NYAP2: variants seen among roughly 807,000 people sequenced by gnomAD.
The protein encoded by NYAP2 is neuronal tyrosine-phosphorylated phosphoinositide-3-kinase adapter 2.
NYAP2 carries 23 observed loss-of-function variants against 50.4 expected under a neutral mutation model. The observed-to-expected ratio is 0.46, with a 90% confidence interval of 0.33 to 0.65. NYAP2 has a LOEUF of 0.65. NYAP2 is among the 30% of genes least tolerant of loss of function. The pLI is 0.02. For synonymous variants in NYAP2, 394 were observed against 365.2 expected (o/e 1.08, Z -0.90); for missense variants, 885 against 861.0 (o/e 1.03, Z -0.35).
chr2:225,503,184 T>C (rs1690636366), intron 3 of NYAP2, among the ~76,000 whole-genome samples: 1 of 152,222 alleles, frequency 6.6e-6, no homozygotes, highest in Non-Finnish European at 1.5e-5. Context: ...AAAGCTTATG[T>C]CAGTTTTGAA....
intron 3 of NYAP2, among the ~76,000 whole-genome samples, chr2:225,456,200 C>T (rs1689736218): frequency 1.3e-5 from 2 of 152,218 alleles, no homozygotes; most frequent in South Asian, 4.1e-4. Context: ...TCTGAGACAA[C>T]CAGAAATGGC....
intron 4 of NYAP2, among the ~76,000 whole-genome samples, chr2:225,525,300 G>A (rs1023738750): frequency 6.6e-6 from 1 of 152,030 alleles, no homozygotes; most frequent in Non-Finnish European, 1.5e-5. Context: ...TAAATTTGTG[G>A]TAGTTCATTA....
chr2:225,571,836 G>A (rs537257396), intron 4 of NYAP2, among the ~76,000 whole-genome samples: 1 of 152,290 alleles, frequency 6.6e-6, no homozygotes, highest in South Asian at 2.1e-4. Flanking sequence ...CATAGAAAAT[G>A]GGTTTTTCTT....
intron 4 of NYAP2, among the ~76,000 whole-genome samples, chr2:225,572,204 T>C (rs1465592501): frequency 6.6e-6 from 1 of 152,210 alleles, no homozygotes; most frequent in Non-Finnish European, 1.5e-5. Context: ...CTCCAAACTG[T>C]TCCAACCTCT....
intron 6 of NYAP2, among the ~76,000 whole-genome samples, chr2:225,646,888 G>A (rs986916758): frequency 3.9e-5 from 6 of 152,090 alleles, no homozygotes; most frequent in Admixed American, 2.6e-4. Flanking sequence ...AGAGCAAGAC[G>A]TTTCCAGGTC....
exon 4 of NYAP2, chr2:225,513,619 C>T: frequency 3.2e-6 from 5 of 1,550,102 alleles, no homozygotes; most frequent in African/African-American, 1.4e-5. Flanking sequence ...TCATCAGAGA[C>T]AGTCAGCAGC....
At chr2:225,497,375 T>C (rs1690525420) in intron 3 of NYAP2, among the ~76,000 whole-genome samples, 2 of 152,196 alleles carry the variant, frequency 1.3e-5, no homozygotes, top group African/African-American at 4.8e-5. Flanking sequence ...AAGTAGCGTC[T>C]TTAGTGATTC....
chr2:225,399,167 A>G (rs1694817049), upstream of NYAP2, among the ~76,000 whole-genome samples: 1 of 152,084 alleles, frequency 6.6e-6, no homozygotes, highest in Admixed American at 6.6e-5. Flanking sequence ...GTCACTATCA[A>G]GTAATAAGCA....
rs191432240 is a variant in NYAP2, at chr2:225,585,976, T to C, written c.1618+2941T>C. 5.9e-5 allele frequency among the ~76,000 whole-genome samples: 9 copies of C among 152,352 alleles called. No individual in the cohort carries two copies. The East Asian group carries it at 1.7e-3, about 29-fold the overall frequency. The stretch of plus-strand genomic sequence containing the variant: ...GTGATATGAAGTAGTATAACATTTA[T>C]GACCCTGAGTCTCATTATTCTTTTT... On this transcript the variant is annotated intron_variant, in intron 5 of 6. Coordinates refer to ENST00000636099, the Ensembl canonical transcript of NYAP2.
At chr2:225,643,566 G>A (rs1693570789) in intron 6 of NYAP2, among the ~76,000 whole-genome samples, 2 of 151,598 alleles carry the variant, frequency 1.3e-5, no homozygotes, top group Admixed American at 1.3e-4. Flanking sequence ...CTAGCATTAG[G>A]TATATCTCCC....
intron 5 of NYAP2, among the ~76,000 whole-genome samples, chr2:225,596,069 A>G (rs1017113427): frequency 1.3e-5 from 2 of 152,118 alleles, no homozygotes; most frequent in African/African-American, 4.8e-5. Flanking sequence ...TGCCCAGGCT[A>G]GAGTGCAGTG....
chr2:225,430,359 A>G (rs1695348337), intron 3 of NYAP2, among the ~76,000 whole-genome samples: 1 of 152,182 alleles, frequency 6.6e-6, no homozygotes, highest in Non-Finnish European at 1.5e-5. Flanking sequence ...GAATCTGCCC[A>G]TGTTTTTTAG....
At chr2:225,687,819 C>G in the NYAP2 span, among the ~76,000 whole-genome samples, 2 of 152,098 alleles carry the variant, frequency 1.3e-5, no homozygotes, top group Non-Finnish European at 2.9e-5. Flanking sequence ...GGACAGAGAA[C>G]GGGAAAGGTC....
chr2:225,468,083 A>G (rs756113554), intron 3 of NYAP2, among the ~76,000 whole-genome samples: 2 of 152,146 alleles, frequency 1.3e-5, no homozygotes, highest in Admixed American at 6.5e-5. Flanking sequence ...AAATGTTTGG[A>G]TTGAATTGTG....
intron 3 of NYAP2, among the ~76,000 whole-genome samples, chr2:225,448,875 T>C (rs1447260402): frequency 2.0e-5 from 3 of 152,206 alleles, no homozygotes; most frequent in Non-Finnish European, 1.5e-5. Flanking sequence ...TCATGGCCCA[T>C]GGGTTTGTGT....
chr2:225,594,299 A>G (rs1055383042), intron 5 of NYAP2, among the ~76,000 whole-genome samples: 7 of 152,078 alleles, frequency 4.6e-5, no homozygotes, highest in Admixed American at 3.9e-4. Context: ...TGAGGAGGGC[A>G]TATCACTTGA....
chr2:225,614,236 A>T (rs1226350882), intron 5 of NYAP2, among the ~76,000 whole-genome samples: 2 of 152,228 alleles, frequency 1.3e-5, no homozygotes, highest in Non-Finnish European at 2.9e-5. Flanking sequence ...TCCTAAGTAT[A>T]GCTGATTTAT....
intron 3 of NYAP2, among the ~76,000 whole-genome samples, chr2:225,459,302 G>T (rs897959564): frequency 1.3e-5 from 2 of 152,084 alleles, no homozygotes; most frequent in South Asian, 2.1e-4. Flanking sequence ...GTTGACATTG[G>T]GATTTAGGTT....
At chr2:225,642,263 T>G (rs1306262894) in intron 6 of NYAP2, among the ~76,000 whole-genome samples, 2 of 152,078 alleles carry the variant, frequency 1.3e-5, no homozygotes, top group Non-Finnish European at 2.9e-5. Flanking sequence ...TGTGTACCAT[T>G]GTGTGGAAGT....
Sources: gnomAD v4.1 joint callset for allele counts (sites outside exome capture counted in the v4.1 genomes callset) on GRCh38, gnomAD v4.1.1 for gene constraint, MANE v1.5 for transcripts, NCBI Gene and HGNC (gene_info 2026-07-23, HGNC 2026-07-21) for gene names.